The following HERC3 variants were observed in gnomAD, a reference collection of about 807,000 sequenced individuals.
The protein encoded by HERC3 is HECT and RLD domain containing E3 ubiquitin protein ligase 3, also known as probable E3 ubiquitin-protein ligase HERC3.
A neutral mutation model predicts 129.9 loss-of-function variants in HERC3; 58 were observed. That is an observed-to-expected ratio of 0.45 (90% CI 0.36 to 0.56). The LOEUF is 0.56. Ranked by LOEUF, HERC3 falls within the 20% of genes least tolerant of loss-of-function variation. The probability of loss-of-function intolerance (pLI) is 0.00; values close to 1 mark genes in which losing one functional copy is unlikely to be tolerated. For missense variants in HERC3, 835 were observed against 1,244.2 expected (o/e 0.67, Z 4.95); for synonymous variants, 430 against 451.0 (o/e 0.95, Z 0.59).
At chr4:88,526,806 T>TA in the HERC3 span, among the ~76,000 whole-genome samples, 1 of 152,194 alleles carries the variant, frequency 6.6e-6, no homozygotes, top group South Asian at 2.1e-4. Context: ...GTGCTAGGAT[T>TA]ACAGGCATAA....
chr4:88,559,465 G>A, the HERC3 span, among the ~76,000 whole-genome samples: 1 of 152,094 alleles, frequency 6.6e-6, no homozygotes, highest in Non-Finnish European at 1.5e-5. Flanking sequence ...GATAACCACT[G>A]TTTTGTTCTC....
chr4:88,658,583 T>G (rs1401350679), intron 10 of HERC3, 92 bp downstream of exon 10: 1 of 629,464 alleles, frequency 1.6e-6, no homozygotes, highest in Non-Finnish European at 2.8e-6. Context: ...AAGAGCAATG[T>G]TACTCTTTGT....
chr4:88,547,250 A>C, the HERC3 span, among the ~76,000 whole-genome samples: 1 of 152,152 alleles, frequency 6.6e-6, no homozygotes, highest in Non-Finnish European at 1.5e-5. Flanking sequence ...ATTGTCTTAC[A>C]ATTTTTTGGA....
At position 88,704,088 on chromosome 4, in the gene HERC3, G is replaced by C. The variant is rs769904434; in HGVS notation, c.2658-10G>C. ...TTGAGCTAAATGTATTTTCTTTTGT[G>C]TTCTGGCAGGCAGGAATTTGTGGAT... is the stretch of plus-strand genomic sequence containing the variant. On this transcript the variant is annotated splice_polypyrimidine_tract_variant and intron_variant, in intron 23 of 25. Transcript: ENST00000402738. 6.2e-7 allele frequency: 1 copy of C among 1,612,804 alleles called. No homozygotes were observed. Among genetic ancestry groups the C allele is most frequent in the South Asian group, 1.1e-5 (1 of 91,008 alleles).
chr4:88,697,664 C>G (rs1441192875), intron 23 of HERC3: 1 of 1,613,158 alleles, frequency 6.2e-7, no homozygotes, highest in Non-Finnish European at 8.5e-7. Context: ...CCCTGCGCAC[C>G]GCCTTCCGCC....
intron 3 of HERC3, among the ~76,000 whole-genome samples, chr4:88,606,981 T>TA (rs1490291466): frequency 6.6e-6 from 1 of 152,246 alleles, no homozygotes; most frequent in Non-Finnish European, 1.5e-5. Flanking sequence ...AACATGCTCT[T>TA]ACATGTTTTG....
At chr4:88,620,854 T>TTTA (rs1183601926) in intron 3 of HERC3, among the ~76,000 whole-genome samples, 2 of 152,142 alleles carry the variant, frequency 1.3e-5, no homozygotes, top group Non-Finnish European at 2.9e-5. Context: ...GCCTGATGCT[T>TTTA]TTATTCCTTC....
the HERC3 span, among the ~76,000 whole-genome samples, chr4:88,554,315 A>G: frequency 6.7e-6 from 1 of 149,592 alleles, no homozygotes; most frequent in Admixed American, 6.7e-5. Context: ...ACTGCACTCC[A>G]GCCTGGGCGA....
chr4:88,649,134 T>C (rs572177375), intron 3 of HERC3, among the ~76,000 whole-genome samples: 2 of 152,332 alleles, frequency 1.3e-5, no homozygotes, highest in East Asian at 3.9e-4. Flanking sequence ...TAAGTTTTCC[T>C]CACACATAGG....
chr4:88,621,307 A>G (rs959546907), intron 3 of HERC3, among the ~76,000 whole-genome samples: 5 of 152,146 alleles, frequency 3.3e-5, no homozygotes, highest in Admixed American at 2.0e-4. Flanking sequence ...GGGTTTTGCC[A>G]TGTTGGCCAG....
intron 23 of HERC3, chr4:88,693,640 C>T (rs1314244607): frequency 1.0e-6 from 1 of 979,062 alleles, no homozygotes; most frequent in Admixed American, 6.2e-5. Flanking sequence ...ATGCAAATTT[C>T]ACCTCAATAA....
chr4:88,598,425 G>A (rs1722632921), intron 2 of HERC3, among the ~76,000 whole-genome samples: 1 of 152,194 alleles, frequency 6.6e-6, no homozygotes, highest in Admixed American at 6.5e-5. Context: ...ATGGCAGATG[G>A]TTGTGATGCT....
chr4:88,585,680 G>A, the HERC3 span, among the ~76,000 whole-genome samples: 1 of 151,842 alleles, frequency 6.6e-6, no homozygotes, highest in South Asian at 2.1e-4. Flanking sequence ...AGGGGTGGGG[G>A]AAATATATGA....
In HERC3 at chr4:88,689,867, C is replaced by T. The variant is rs1415002772; in HGVS notation, c.2657+2568C>T. 2.6e-5 allele frequency: 11 copies of T among 420,390 alleles called. No homozygotes were observed. In the East Asian group the frequency reaches 6.5e-4, roughly 25 times the overall value. The allele number at this position is 420,390 out of a possible 1,614,324, so 26.0% of individuals were successfully genotyped here. On this transcript the variant is annotated intron_variant, in intron 23 of 25. Transcript: ENST00000402738. ...TGCTGGGATTACAGGCATGAGCCACCGCTCCTGGCCCATCCTTGACATTTT... is the reference window on the plus strand; with the variant it reads ...TGCTGGGATTACAGGCATGAGCCACTGCTCCTGGCCCATCCTTGACATTTT...
At chr4:88,632,954 T>A (rs952960060) in intron 3 of HERC3, among the ~76,000 whole-genome samples, 5 of 152,072 alleles carry the variant, frequency 3.3e-5, no homozygotes, top group African/African-American at 1.2e-4. Context: ...ATCAAACTTC[T>A]AAAAATTAAG....
intron 3 of HERC3, among the ~76,000 whole-genome samples, chr4:88,639,735 A>C (rs1022177004): frequency 1.3e-5 from 2 of 152,240 alleles, no homozygotes. Flanking sequence ...AAATTGACAA[A>C]TGGGATCTAA....
At chr4:88,654,403 A>G (rs71609532) in intron 7 of HERC3, among the ~76,000 whole-genome samples, 1,621 of 137,444 alleles carry the variant, frequency 0.012, 19 homozygotes, top group Middle Eastern at 0.037. Context: ...CACACACATA[A>G]TGTAGATTAT....
At chr4:88,627,860 C>T (rs1022538831) in intron 3 of HERC3, among the ~76,000 whole-genome samples, 5 of 145,466 alleles carry the variant, frequency 3.4e-5, no homozygotes, top group Non-Finnish European at 5.9e-5. Context: ...GCTGAGATCA[C>T]GCCATTGCAC....
chr4:88,537,478 C>T, the HERC3 span, among the ~76,000 whole-genome samples: 1 of 152,174 alleles, frequency 6.6e-6, no homozygotes, highest in Non-Finnish European at 1.5e-5. Context: ...AGAAGTAACA[C>T]TGTGTCATTT....
Sources: gnomAD v4.1 joint callset for allele counts (sites outside exome capture counted in the v4.1 genomes callset) on GRCh38, gnomAD v4.1.1 for gene constraint, MANE v1.5 for transcripts, NCBI Gene and HGNC (gene_info 2026-07-23, HGNC 2026-07-21) for gene names.